Variants in GPR39 observed in about 807,000 individuals in gnomAD.
GPR39 encodes the protein G protein-coupled receptor 39, also known as zinc sensing receptor.
Under a neutral mutation model 18.4 loss-of-function variants are expected in GPR39, and 23 were observed. That is an observed-to-expected ratio of 1.25 (90% CI 0.90 to 1.77). The LOEUF (loss-of-function observed/expected upper bound fraction) is 1.77, where lower values mean the gene tolerates loss of function less well. Among genes scored for constraint, GPR39 ranks in the 40% most tolerant of loss-of-function variants. The pLI is 0.00. For missense variants in GPR39, 647 were observed against 602.4 expected, an observed-to-expected ratio of 1.07 and a Z score of -0.78; for synonymous variants, 280 against 257.9, an observed-to-expected ratio of 1.09 and a Z score of -0.82.
At chr2:132,607,342 T>G (rs899677697) in intron 1 of GPR39, among the ~76,000 whole-genome samples, 1 of 152,164 alleles carries the variant, frequency 6.6e-6, no homozygotes, top group African/African-American at 2.4e-5. Flanking sequence ...TGTGTAAAAT[T>G]TATTGGGTTG....
At chr2:132,640,424 C>G (rs1260101109) in intron 1 of GPR39, among the ~76,000 whole-genome samples, 1 of 152,158 alleles carries the variant, frequency 6.6e-6, no homozygotes, top group Non-Finnish European at 1.5e-5. Flanking sequence ...AATGAAAGTA[C>G]TTTATGTGGA....
At chr2:132,472,984 C>T (rs1002663368) in intron 1 of GPR39, among the ~76,000 whole-genome samples, 8 of 152,006 alleles carry the variant, frequency 5.3e-5, no homozygotes, top group Non-Finnish European at 1.2e-4. Flanking sequence ...CCGTGAACCC[C>T]CCTGCACCAC....
intron 1 of GPR39, among the ~76,000 whole-genome samples, chr2:132,581,402 G>T (rs1335976735): frequency 6.6e-6 from 1 of 151,652 alleles, no homozygotes; most frequent in Admixed American, 6.6e-5. Flanking sequence ...TAGGTCTGGG[G>T]TTCCAGAAAC....
chr2:132,625,267 G>A (rs537280992), intron 1 of GPR39, among the ~76,000 whole-genome samples: 1 of 152,214 alleles, frequency 6.6e-6, no homozygotes, highest in East Asian at 1.9e-4. Context: ...TTGTTGACTG[G>A]CCACTTGGCT....
Position 132,535,695 on chromosome 2 carries a change from C to CTTTTTTTTTTTTTTTTTTTT in GPR39, c.857-109395_857-109394insTTTTTTTTTTTTTTTTTTTT, listed in dbSNP as rs753801511. 7.5e-4 allele frequency among the ~76,000 whole-genome samples: 72 copies of CTTTTTTTTTTTTTTTTTTTT among 96,484 alleles called. 12 individuals carry two copies. The highest frequency in any genetic ancestry group is 2.5e-3 in the East Asian group (4 of 1,580). 63.3% of individuals were successfully genotyped at this position (96,484 alleles called of 152,430 possible). A position where few individuals can be genotyped will look rare whatever the true frequency, so the allele number is the denominator to read the frequency against. ...GGCTGTGAATCCATCTGGTCCTGGG[C>CTTTTTTTTTTTTTTTTTTTT]TTTTTTTTTTTGGTTGGTAGGCTAT... On this transcript the variant is annotated intron_variant, in intron 1 of 1. Coordinates refer to ENST00000329321, the MANE Select transcript of GPR39 (RefSeq NM_001508.3).
chr2:132,574,636 A>G (rs3109151), intron 1 of GPR39, among the ~76,000 whole-genome samples: 103,677 of 152,070 alleles, frequency 0.68, 36,873 homozygotes, highest in East Asian at 0.92. Context: ...TCAGGTGGCC[A>G]AGGCACGAGA....
chr2:132,536,168 G>A (rs1679755365), intron 1 of GPR39, among the ~76,000 whole-genome samples: 1 of 152,124 alleles, frequency 6.6e-6, no homozygotes, highest in Non-Finnish European at 1.5e-5. Flanking sequence ...ATGTTAGGGT[G>A]TCAATCTGAG....
rs995836017 is a variant in GPR39, at chr2:132,645,222, C to T, written c.978C>T (p.Leu326=). The change falls in exon 2 of 2, where the codon CTC becomes CTT. Residue 326 remains leucine, a synonymous_variant. Transcript: ENST00000329321. ...RSYFRAYMIL[L]PFSETFFYLS... is the part of the protein sequence containing the mutation. ...ACTTCCGGGCGTACATGATCCTCCT[C>T]CCCTTCTCGGAGACGTTTTTCTACC... The T allele has an allele frequency of 1.9e-6, 3 of 1,614,194 alleles. No homozygotes were observed. The highest frequency in any genetic ancestry group is 2.5e-6 in the Non-Finnish European group (3 of 1,180,030).
chr2:132,618,828 G>A (rs1453161897), intron 1 of GPR39, among the ~76,000 whole-genome samples: 13 of 152,232 alleles, frequency 8.5e-5, no homozygotes, highest in African/African-American at 2.7e-4. Flanking sequence ...GGTTGTGGAG[G>A]TCCCTACGGA....
intron 1 of GPR39, among the ~76,000 whole-genome samples, chr2:132,576,673 A>G (rs2104819203): frequency 6.6e-6 from 1 of 152,240 alleles, no homozygotes; most frequent in Non-Finnish European, 1.5e-5. Context: ...AAACTAAACT[A>G]AAACTAAGCC....
rs535508826 is a variant in GPR39, at chr2:132,643,666, TG to T, written c.857-1434del. Among the ~76,000 whole-genome samples the T allele has an allele frequency of 7.0e-4, 107 of 152,316 alleles. 1 individual carries two copies. The highest frequency in any genetic ancestry group is 2.5e-3 in the African/African-American group (104 of 41,554). Reference sequence around the variant, plus strand: ...AAGTATCTGAGACCACAGGTGTGTATGTACCACCATGCCTGGCTAAGTTTTT... The same window carrying T: ...AAGTATCTGAGACCACAGGTGTGTATTACCACCATGCCTGGCTAAGTTTTT... On this transcript the variant is annotated intron_variant, in intron 1 of 1. Coordinates refer to ENST00000329321, the MANE Select transcript of GPR39 (RefSeq NM_001508.3).
At chr2:132,581,038 T>A in intron 1 of GPR39, among the ~76,000 whole-genome samples, 1 of 145,012 alleles carries the variant, frequency 6.9e-6, no homozygotes. Flanking sequence ...TTTGTGGTAG[T>A]ATAAAGATTA....
intron 1 of GPR39, among the ~76,000 whole-genome samples, chr2:132,525,515 G>A (rs915131297): frequency 2.6e-5 from 4 of 152,178 alleles, no homozygotes; most frequent in South Asian, 2.1e-4. Flanking sequence ...GTGAATCCCG[G>A]CCTGATTTAC....
At chr2:132,460,111 C>T (rs921301989) in intron 1 of GPR39, among the ~76,000 whole-genome samples, 7 of 152,296 alleles carry the variant, frequency 4.6e-5, no homozygotes, top group African/African-American at 1.4e-4. Context: ...AATGAAAAAC[C>T]TGCATAGGAT....
At chr2:132,633,666 A>G (rs1247994454) in intron 1 of GPR39, among the ~76,000 whole-genome samples, 1 of 151,886 alleles carries the variant, frequency 6.6e-6, no homozygotes, top group Admixed American at 6.6e-5. Flanking sequence ...GTGAGTACTG[A>G]TGGTGGAGGA....
chr2:132,517,369 T>G (rs1002758694), intron 1 of GPR39, among the ~76,000 whole-genome samples: 5 of 152,122 alleles, frequency 3.3e-5, no homozygotes, highest in Admixed American at 6.6e-5. Flanking sequence ...AAAATGGTTG[T>G]GCCTGGAAAT....
chr2:132,581,411 A>G (rs1680620842), intron 1 of GPR39, among the ~76,000 whole-genome samples: 1 of 151,904 alleles, frequency 6.6e-6, no homozygotes, highest in African/African-American at 2.4e-5. Context: ...GGTTCCAGAA[A>G]CCATGTGATG....
At chr2:132,450,937 T>C (rs1210638210) in intron 1 of GPR39, among the ~76,000 whole-genome samples, 3 of 152,228 alleles carry the variant, frequency 2.0e-5, no homozygotes, top group Non-Finnish European at 2.9e-5. Context: ...CTGTTTGCCT[T>C]ATGTGCTTGA....
chr2:132,634,068 G>A (rs1447715339), intron 1 of GPR39, among the ~76,000 whole-genome samples: 1 of 151,856 alleles, frequency 6.6e-6, no homozygotes, highest in East Asian at 1.9e-4. Context: ...GGTGGCAGTA[G>A]TAGCAGTGGT....
Sources: gnomAD v4.1 joint callset for allele counts (sites outside exome capture counted in the v4.1 genomes callset) on GRCh38, gnomAD v4.1.1 for gene constraint, MANE v1.5 for transcripts, NCBI Gene and HGNC (gene_info 2026-07-23, HGNC 2026-07-21) for gene names.